The following JMJD1C variants were observed in gnomAD, a reference collection of about 807,000 sequenced individuals.
The protein encoded by JMJD1C is jumonji domain containing 1C.
A neutral mutation model predicts 245.3 loss-of-function variants in JMJD1C; 31 were observed. That is an observed-to-expected ratio of 0.13 (90% CI 0.09 to 0.17). JMJD1C has a LOEUF of 0.17. Among genes scored for constraint, JMJD1C ranks in the 10% least tolerant of loss-of-function variants. The pLI is 1.00. For synonymous variants in JMJD1C, 1,057 were observed against 1,017.4 expected (o/e 1.04, Z -0.74); for missense variants, 2,691 against 3,000.2 (o/e 0.90, Z 2.41).
At position 63,245,478 on chromosome 10, in the gene JMJD1C, CTTTTTTTT is replaced by C. The variant is rs71025134; in HGVS notation, c.447+19165_447+19172del. Among the ~76,000 whole-genome samples, 10 of 90,198 alleles carry C rather than the reference CTTTTTTTT, an allele frequency of 1.1e-4. No homozygotes were observed. The South Asian group carries it at 2.1e-3, about 19-fold the overall frequency. 59.2% of individuals were successfully genotyped at this position (90,198 alleles called of 152,430 possible). Reference sequence around the variant, plus strand: ...GAGAGGGAGCTTCTGCAGGGGAACTCTTTTTTTTTTTTTTTTTTTTTGAGATGAAGTCT... The same window carrying C: ...GAGAGGGAGCTTCTGCAGGGGAACTCTTTTTTTTTTTTTGAGATGAAGTCT... On this transcript the variant is annotated intron_variant, in intron 3 of 25. Coordinates refer to ENST00000399262, the MANE Select transcript of JMJD1C (RefSeq NM_032776.3).
chr10:63,339,700 TG>T (rs1322567433), intron 2 of JMJD1C, among the ~76,000 whole-genome samples: 1 of 151,732 alleles, frequency 6.6e-6, no homozygotes, highest in African/African-American at 2.4e-5. Flanking sequence ...TCAAGGCAGG[TG>T]GATCACTTGA....
In JMJD1C at chr10:63,167,603, A is replaced by T. The variant is rs1013042071; in HGVS notation, c.*442T>A. The T allele has an allele frequency of 6.5e-6, 1 of 153,552 alleles. No homozygotes were observed. Among genetic ancestry groups the T allele is most frequent in the African/African-American group, 2.4e-5 (1 of 41,468 alleles). The allele number at this position is 153,552 out of a possible 1,614,324, so 9.5% of individuals were successfully genotyped here. On this transcript the variant is annotated 3_prime_UTR_variant, in exon 26 of 26. Coordinates refer to ENST00000399262, the MANE Select transcript of JMJD1C (RefSeq NM_032776.3). ...GACATGACTGCTGTGCGATTCAGCA[A>T]TTTCCCAGATGCAGGCAATAGCTGG...
chr10:63,181,434 G>C (rs966265924), intron 22 of JMJD1C, among the ~76,000 whole-genome samples: 2 of 152,068 alleles, frequency 1.3e-5, no homozygotes, highest in African/African-American at 4.8e-5. Context: ...AGTTACAATT[G>C]AAAGAATGAA....
intron 18 of JMJD1C, among the ~76,000 whole-genome samples, chr10:63,188,856 C>A (rs1448295573): frequency 6.6e-6 from 1 of 152,018 alleles, no homozygotes; most frequent in East Asian, 1.9e-4. Flanking sequence ...GACTAAAATA[C>A]CAATCTAAAA....
At chr10:63,433,385 C>A (rs957896479) in intron 1 of JMJD1C, among the ~76,000 whole-genome samples, 2 of 151,800 alleles carry the variant, frequency 1.3e-5, no homozygotes, top group Non-Finnish European at 2.9e-5. Flanking sequence ...CTTGTGCCAC[C>A]GCGCCCGGCC....
chr10:63,419,411 G>C (rs565444276), intron 1 of JMJD1C, among the ~76,000 whole-genome samples: 3 of 151,936 alleles, frequency 2.0e-5, no homozygotes, highest in Non-Finnish European at 4.4e-5. Flanking sequence ...ATATAGATAA[G>C]ATATACTTTA....
chr10:63,380,165 A>C, intron 2 of JMJD1C, 153 bp downstream of exon 2: 3 of 643,698 alleles, frequency 4.7e-6, no homozygotes, highest in Admixed American at 5.6e-5. Flanking sequence ...GCTGATCTCC[A>C]ACTCCTGGCT....
chr10:63,306,250 G>A (rs771808263), intron 2 of JMJD1C, among the ~76,000 whole-genome samples: 57 of 151,834 alleles, frequency 3.8e-4, no homozygotes, highest in Non-Finnish European at 6.0e-4. Flanking sequence ...CTACCACACC[G>A]GGCTAATTTT....
intron 1 of JMJD1C, among the ~76,000 whole-genome samples, chr10:63,473,093 T>A (rs1953545595): frequency 6.6e-6 from 1 of 151,956 alleles, no homozygotes. Flanking sequence ...TAATTCAAAT[T>A]TTAAATCTGT....
At chr10:63,255,898 T>A (rs1032158720) in intron 3 of JMJD1C, among the ~76,000 whole-genome samples, 8 of 152,188 alleles carry the variant, frequency 5.3e-5, no homozygotes, top group African/African-American at 1.7e-4. Flanking sequence ...AGATTTTAAA[T>A]AATATGACAT....
intron 2 of JMJD1C, among the ~76,000 whole-genome samples, chr10:63,290,737 T>G (rs190834184): frequency 4.1e-4 from 62 of 152,244 alleles, no homozygotes; most frequent in African/African-American, 1.5e-3. Flanking sequence ...TGTAGCAAAA[T>G]GCTTGCAATT....
rs748149848 is a variant in JMJD1C, at chr10:63,465,506, G to C, written c.157C>G (p.Pro53Ala). 5.6e-6 allele frequency: 9 copies of C among 1,604,014 alleles called. No homozygotes were observed. In the Admixed American group the frequency reaches 8.4e-5, roughly 15 times the overall value. ...GCTGACTCTCTTACCGCCAGGTCCG[G>C]ATTGCGGCTGTCCCTGTGTGACACG... The part of the protein sequence containing the change: ...RAVSHRDSRN[P>A]DLAVYVEFDD... The change falls in exon 1 of 26, where the codon CCG becomes GCG. Residue 53 changes from proline to alanine, a missense_variant. Physicochemically the swap from Pro to Ala is conservative, Grantham distance 27 (BLOSUM62 -1). Coordinates refer to ENST00000399262, the MANE Select transcript of JMJD1C (RefSeq NM_032776.3).
chr10:63,172,380 C>T (rs959467903), intron 24 of JMJD1C, among the ~76,000 whole-genome samples: 1 of 152,160 alleles, frequency 6.6e-6, no homozygotes, highest in Non-Finnish European at 1.5e-5. Flanking sequence ...AAGCCCAATA[C>T]ATATAAATTA....
intron 2 of JMJD1C, among the ~76,000 whole-genome samples, chr10:63,361,719 TA>T (rs55879769): frequency 0.08 from 7,241 of 90,904 alleles, 49 homozygotes; most frequent in Non-Finnish European, 0.11. Flanking sequence ...CTGTCTCAAC[TA>T]AAAAAAAAAA....
intron 3 of JMJD1C, among the ~76,000 whole-genome samples, chr10:63,227,773 T>G (rs560566107): frequency 1.2e-4 from 19 of 152,328 alleles, no homozygotes; most frequent in Admixed American, 2.0e-4. Flanking sequence ...ATTGAACATG[T>G]TTTGCCATAC....
chr10:63,356,486 T>C (rs1311877688), intron 2 of JMJD1C, among the ~76,000 whole-genome samples: 3 of 152,228 alleles, frequency 2.0e-5, no homozygotes, highest in African/African-American at 7.2e-5. Flanking sequence ...AAATCCCTAG[T>C]GGACCGGACC....
chr10:63,325,898 G>A (rs1941438280), intron 2 of JMJD1C, among the ~76,000 whole-genome samples: 1 of 152,032 alleles, frequency 6.6e-6, no homozygotes, highest in African/African-American at 2.4e-5. Flanking sequence ...TATATTCTAT[G>A]TAGATCAACA....
chr10:63,360,940 G>A (rs971366969), intron 2 of JMJD1C, among the ~76,000 whole-genome samples: 1 of 151,882 alleles, frequency 6.6e-6, no homozygotes. Context: ...GTGAGCCACC[G>A]AGCCCGGCCT....
intron 2 of JMJD1C, among the ~76,000 whole-genome samples, chr10:63,299,887 G>T (rs188846803): frequency 2.6e-4 from 37 of 144,990 alleles, no homozygotes; most frequent in South Asian, 8.7e-4. Context: ...TGAATTTTCA[G>T]TTTTTTTTTT....
Sources: allele counts gnomAD v4.1 joint callset (sites outside exome capture counted in the v4.1 genomes callset), GRCh38; gene constraint gnomAD v4.1.1; transcripts MANE v1.5; gene names NCBI Gene and HGNC (gene_info 2026-07-23, HGNC 2026-07-21).